RAX2: variants seen among roughly 807,000 people sequenced by gnomAD.
RAX2 encodes the protein retina and anterior neural fold homeobox protein 2.
RAX2 carries 4 observed loss-of-function variants against 5.8 expected under a neutral mutation model. The ratio of observed to expected loss-of-function variants is 0.69; its 90% CI spans 0.34 to 1.58. RAX2 has a LOEUF of 1.58. RAX2 is among the 40% of genes most tolerant of loss of function. RAX2 has a pLI of 0.05. For synonymous variants in RAX2, 133 were observed against 128.8 expected (o/e 1.03, Z -0.22); for missense variants, 275 against 271.4 (o/e 1.01, Z -0.09).
In RAX2 at chr19:3,771,753, T is replaced by C. The variant is rs979254481; in HGVS notation, c.-11A>G. 6 of 1,587,842 alleles carry C rather than the reference T, an allele frequency of 3.8e-6. No individual in the cohort carries two copies. The highest frequency in any genetic ancestry group is 4.3e-6 in the Non-Finnish European group (5 of 1,170,962). On this transcript the variant is annotated 5_prime_UTR_variant, in exon 2 of 3. Coordinates refer to ENST00000555633, the MANE Select transcript of RAX2 (RefSeq NM_001319074.4). This position sits in a 1 kb window ranked among gnomAD's most constrained non-coding sequence, Gnocchi z 4.2. ...CGGGCTCAGGAACATGGCTCCCACC[T>C]GGTGGGACGGCAGCGGGACAGATGG...
Position 3,770,341 on chromosome 19 carries a change from G to C in RAX2, c.*280C>G. The C allele has an allele frequency of 2.0e-6, 1 of 488,724 alleles. No homozygotes were observed. 30.3% of individuals were successfully genotyped at this position (488,724 alleles called of 1,614,324 possible). A position where few individuals can be genotyped will look rare whatever the true frequency, so the allele number is the denominator to read the frequency against. ...AGGAGACTGAGGCCCCAGGAGGGGA[G>C]GAGGTCCCCGCACCTGGCCTGAGAA... is the stretch of plus-strand genomic sequence containing the variant. On this transcript the variant is annotated 3_prime_UTR_variant, in exon 3 of 3. Coordinates refer to ENST00000555633, the MANE Select transcript of RAX2 (RefSeq NM_001319074.4).
chr19:3,770,510 G>T lies in RAX2; in HGVS notation c.*111C>A. 1 of 1,002,542 alleles carries T rather than the reference G, an allele frequency of 1.0e-6. No homozygotes were observed. Among genetic ancestry groups the T allele is most frequent in the South Asian group, 1.6e-5 (1 of 63,246 alleles). 62.1% of individuals were successfully genotyped at this position (1,002,542 alleles called of 1,614,324 possible). On this transcript the variant is annotated 3_prime_UTR_variant, in exon 3 of 3. Coordinates refer to ENST00000555633, the MANE Select transcript of RAX2 (RefSeq NM_001319074.4). The stretch of plus-strand genomic sequence containing the variant: ...CTCCCCAGTGGTGGTGGCCTGGCCT[G>T]ACCACGGTTGCTCCATGACCTCGGC...
Position 3,771,100 on chromosome 19 carries a change from C to A in RAX2, c.217-141G>T. 1.5e-6 allele frequency: 1 copy of A among 681,704 alleles called. No individual in the cohort carries two copies. Among genetic ancestry groups the A allele is most frequent in the Non-Finnish European group, 2.5e-6 (1 of 396,794 alleles). 42.2% of individuals were successfully genotyped at this position (681,704 alleles called of 1,614,324 possible). A position where few individuals can be genotyped will look rare whatever the true frequency, so the allele number is the denominator to read the frequency against. The stretch of plus-strand genomic sequence containing the variant: ...CCTACCTGCTGCTTCGCTGTTCTGC[C>A]CCAAGAAGATGAGGATCTCCCAAGC... On this transcript the variant is annotated intron_variant, in intron 2 of 2. Transcript: ENST00000555633. This position sits in a 1 kb window ranked among gnomAD's most constrained non-coding sequence, Gnocchi z 4.2.
At position 3,770,256 on chromosome 19, in the gene RAX2, C is replaced by T. The variant is rs1039283695; in HGVS notation, c.*365G>A. 21 of 315,426 alleles carry T rather than the reference C, an allele frequency of 6.7e-5. No individual in the cohort carries two copies. The highest frequency in any genetic ancestry group is 6.4e-5 in the Non-Finnish European group (11 of 170,770). The allele number at this position is 315,426 out of a possible 1,614,324, so 19.5% of individuals were successfully genotyped here. ...CACTCATCTTACAGAGTCAGCGGTC[C>T]CGCCACCCACAGCCTCGCAGCCCTC... On this transcript the variant is annotated 3_prime_UTR_variant, in exon 3 of 3. Transcript: ENST00000555633.
At position 3,771,618 on chromosome 19, in the gene RAX2, AG is replaced by A; in HGVS notation, c.124del (p.Leu42TrpfsTer172). 1 of 1,613,140 alleles carries A rather than the reference AG, an allele frequency of 6.2e-7. No homozygotes were observed. The highest frequency in any genetic ancestry group is 8.5e-7 in the Non-Finnish European group (1 of 1,179,856). On this transcript the variant is annotated frameshift_variant, in exon 2 of 3. Transcript: ENST00000555633. LOFTEE classifies it high-confidence loss of function. This position sits in a 1 kb window ranked among gnomAD's most constrained non-coding sequence, Gnocchi z 4.2. ...TTFTTYQLHQ[L>X]ERAFEASHYP... ...GTGAGAGGCCTCGAACGCCCGCTCC[AG>A]CTGGTGCAGCTGGTAGGTGGTGAAG...
Position 3,771,520 on chromosome 19 carries a change from C to A in RAX2, c.216+7G>T, listed in dbSNP as rs2037260664. On this transcript the variant is annotated splice_region_variant and intron_variant, in intron 2 of 2. Coordinates refer to ENST00000555633, the MANE Select transcript of RAX2 (RefSeq NM_001319074.4). The surrounding 1 kb of genome is among the most constrained non-coding windows in gnomAD (Gnocchi z 4.2). The stretch of plus-strand genomic sequence containing the variant: ...CAAAAGATGTGTGTGTTGGGGGGTG[C>A]CCTCACCTGCACGCGCACCTCAGGT... The A allele has an allele frequency of 6.3e-7, 1 of 1,582,460 alleles. No individual in the cohort carries two copies. The highest frequency in any genetic ancestry group is 1.8e-5 in the Admixed American group (1 of 54,472).
rs1012081235 is a variant in RAX2 at position 3,772,148 on chromosome 19, C to T, written c.-269+15G>A. 3.2e-5 allele frequency: 15 copies of T among 461,592 alleles called. No individual in the cohort carries two copies. Among genetic ancestry groups the T allele is most frequent in the Middle Eastern group, 6.4e-4 (2 of 3,120 alleles). The allele number at this position is 461,592 out of a possible 1,614,324, so 28.6% of individuals were successfully genotyped here. A position where few individuals can be genotyped will look rare whatever the true frequency, so the allele number is the denominator to read the frequency against. On this transcript the variant is annotated intron_variant, in intron 1 of 2. Coordinates refer to ENST00000555633, the MANE Select transcript of RAX2 (RefSeq NM_001319074.4). ...ACCTCCTACCCAGGCCCACCAGTGC[C>T]CACCCCGCACTCACCGCCCACGGCA...
Position 3,771,768 on chromosome 19 carries a change from G to T in RAX2, c.-26C>A. On this transcript the variant is annotated 5_prime_UTR_variant, in exon 2 of 3. Coordinates refer to ENST00000555633, the MANE Select transcript of RAX2 (RefSeq NM_001319074.4). The surrounding 1 kb of genome is among the most constrained non-coding windows in gnomAD (Gnocchi z 4.2). Reference sequence around the variant, plus strand: ...GGCTCCCACCTGGTGGGACGGCAGCGGGACAGATGGTGGGGAGACGGCTGG... The same window carrying T: ...GGCTCCCACCTGGTGGGACGGCAGCTGGACAGATGGTGGGGAGACGGCTGG... The T allele has an allele frequency of 6.4e-7, 1 of 1,565,954 alleles. No homozygotes were observed. Among genetic ancestry groups the T allele is most frequent in the East Asian group, 2.3e-5 (1 of 43,216 alleles).
In RAX2 at chr19:3,770,670, A is replaced by G. The variant is rs1416399047; in HGVS notation, c.506T>C (p.Leu169Pro). Residue 169 changes from leucine to proline, a missense_variant, in exon 3 of 3, where the codon CTG becomes CCG. By Grantham distance (98) the Leu-to-Pro change is moderately conservative. Transcript: ENST00000555633. ...FALEEASLRL[L>P]AKEHAQALDR... Reference sequence around the variant, plus strand: ...CAGAGCCTGTGCATGTTCCTTGGCCAGCAGCCGCAGGGACGCCTCCTCCAG... The same window carrying G: ...CAGAGCCTGTGCATGTTCCTTGGCCGGCAGCCGCAGGGACGCCTCCTCCAG... 6.5e-7 allele frequency: 1 copy of G among 1,535,496 alleles called. No homozygotes were observed. The highest frequency in any genetic ancestry group is 2.0e-5 in the Admixed American group (1 of 50,972).
chr19:3,771,910 G>A lies in RAX2; in HGVS notation c.-168C>T, dbSNP rs566513129. On this transcript the variant is annotated 5_prime_UTR_variant, in exon 2 of 3. Transcript: ENST00000555633. This position sits in a 1 kb window ranked among gnomAD's most constrained non-coding sequence, Gnocchi z 4.2. ...TCTGCATCCCCAGGCTGTCCTCCTC[G>A]GGCTTGGGGGGGTCTCCTGCTGTGC... The A allele has an allele frequency of 6.3e-6, 8 of 1,268,352 alleles. No individual in the cohort carries two copies. Among genetic ancestry groups the A allele is most frequent in the African/African-American group, 3.0e-5 (2 of 66,408 alleles). 78.6% of individuals were successfully genotyped at this position (1,268,352 alleles called of 1,614,324 possible).
rs1417014277 is a variant in RAX2 at position 3,770,918 on chromosome 19, C to A, written c.258G>T (p.Glu86Asp). ...QNRRAKWRRQ[E>D]RLESGSGAVA... ...CGGCACCCGAGCCTGACTCCAGCCG[C>A]TCCTGGCGGCGCCACTTGGCCCGGC... Residue 86 changes from glutamate (E) to aspartate (D), a missense_variant, in exon 3 of 3, where the codon GAG becomes GAT. Coordinates refer to ENST00000555633, the MANE Select transcript of RAX2 (RefSeq NM_001319074.4). 6.4e-7 allele frequency: 1 copy of A among 1,558,488 alleles called. No individual in the cohort carries two copies. Among genetic ancestry groups the A allele is most frequent in the African/African-American group, 1.3e-5 (1 of 74,260 alleles).
rs1237258627 is a variant in RAX2, at chr19:3,770,516, G to A, written c.*105C>T. ...AGTGGTGGTGGCCTGGCCTGACCAC[G>A]GTTGCTCCATGACCTCGGCCTAGGC... On this transcript the variant is annotated 3_prime_UTR_variant, in exon 3 of 3. Coordinates refer to ENST00000555633, the MANE Select transcript of RAX2 (RefSeq NM_001319074.4). 3.3e-5 allele frequency: 35 copies of A among 1,059,456 alleles called. No individual in the cohort carries two copies. The highest frequency in any genetic ancestry group is 1.7e-4 in the South Asian group (11 of 65,690). The allele number at this position is 1,059,456 out of a possible 1,614,324, so 65.6% of individuals were successfully genotyped here. A position where few individuals can be genotyped will look rare whatever the true frequency, so the allele number is the denominator to read the frequency against.
At chr19:3,772,045 G>T (rs1716278421) in intron 1 of RAX2, 35 bp from the exon 2 acceptor site, 1 of 489,754 alleles carries the variant, frequency 2.0e-6, no homozygotes, top group South Asian at 2.0e-5. Context: ...GGGGGTCAAG[G>T]ATGCCCCCCC....
In RAX2 at chr19:3,769,735, C is replaced by G. The variant is rs924339003; in HGVS notation, c.*886G>C. Reference sequence around the variant, plus strand: ...TCGGCCCCGCGACAGCCTCCTTGCTCAGAGCTCTTGGGCGATGCGGCTGGG... The same window carrying G: ...TCGGCCCCGCGACAGCCTCCTTGCTGAGAGCTCTTGGGCGATGCGGCTGGG... On this transcript the variant is annotated 3_prime_UTR_variant, in exon 3 of 3. Transcript: ENST00000555633. The G allele has an allele frequency of 6.5e-6, 1 of 154,074 alleles. No homozygotes were observed. Among genetic ancestry groups the G allele is most frequent in the Admixed American group, 6.5e-5 (1 of 15,304 alleles). The allele number at this position is 154,074 out of a possible 1,614,324, so 9.5% of individuals were successfully genotyped here.
At position 3,771,540 on chromosome 19, in the gene RAX2, T is replaced by C. The variant is rs202149846; in HGVS notation, c.203A>G (p.Glu68Gly). The change falls in exon 2 of 3, where the codon GAG (glutamate) becomes GGG (glycine). Residue 68 changes from glutamate to glycine, a missense_variant. Transcript: ENST00000555633. The surrounding 1 kb of genome is among the most constrained non-coding windows in gnomAD (Gnocchi z 4.2). ...EELAAKVHLPEVRVQVWFQNR... is the reference protein window; with the variant it reads ...EELAAKVHLPGVRVQVWFQNR... ...GGGTGCCCTCACCTGCACGCGCACC[T>C]CAGGTAGGTGCACCTTGGCTGCCAG... 3 of 1,603,718 alleles carry C rather than the reference T, an allele frequency of 1.9e-6. No individual in the cohort carries two copies. The East Asian group carries it at 6.7e-5, about 36-fold the overall frequency.
chr19:3,770,153 T>G lies in RAX2; in HGVS notation c.*468A>C. 1.8e-5 allele frequency: 3 copies of G among 163,188 alleles called. No homozygotes were observed. Among genetic ancestry groups the G allele is most frequent in the Non-Finnish European group, 2.6e-5 (2 of 75,620 alleles). The allele number at this position is 163,188 out of a possible 1,614,324, so 10.1% of individuals were successfully genotyped here. A position where few individuals can be genotyped will look rare whatever the true frequency, so the allele number is the denominator to read the frequency against. On this transcript the variant is annotated 3_prime_UTR_variant, in exon 3 of 3. Transcript: ENST00000555633. ...ACCAGGCTCGCGGGAGCTGCTGCTA[T>G]TTGTTATTTCCAGGGGACTGGGAGC...
Position 3,771,553 on chromosome 19 carries a change from C to T in RAX2, c.190G>A (p.Val64Met). 14 of 1,607,648 alleles carry T rather than the reference C, an allele frequency of 8.7e-6. No homozygotes were observed. Among genetic ancestry groups the T allele is most frequent in the Non-Finnish European group, 1.2e-5 (14 of 1,177,698 alleles). ...TGCACGCGCACCTCAGGTAGGTGCACCTTGGCTGCCAGCTCCTCACGGCTG... is the reference window on the plus strand; with the variant it reads ...TGCACGCGCACCTCAGGTAGGTGCATCTTGGCTGCCAGCTCCTCACGGCTG... The part of the protein sequence containing the change: ...VYSREELAAK[V>M]HLPEVRVQVW... The change falls in exon 2 of 3, where the codon GTG becomes ATG. Residue 64 changes from valine to methionine, a missense_variant. Transcript: ENST00000555633. The surrounding 1 kb of genome is among the most constrained non-coding windows in gnomAD (Gnocchi z 4.2).
At position 3,770,893 on chromosome 19, in the gene RAX2, C is replaced by G; in HGVS notation, c.283G>C (p.Val95Leu). The change falls in exon 3 of 3, where the codon GTG becomes CTG. Residue 95 changes from valine to leucine, a missense_variant. Transcript: ENST00000555633. The part of the protein sequence containing the change: ...QERLESGSGA[V>L]AAPRLPEAPA... ...GCCTCGGGGAGTCTCGGAGCTGCCA[C>G]GGCACCCGAGCCTGACTCCAGCCGC... 3 of 1,542,542 alleles carry G rather than the reference C, an allele frequency of 1.9e-6. No homozygotes were observed. Among genetic ancestry groups the G allele is most frequent in the Non-Finnish European group, 2.6e-6 (3 of 1,151,088 alleles).
chr19:3,770,142 AGCT>A lies in RAX2; in HGVS notation c.*476_*478del, dbSNP rs926277551. On this transcript the variant is annotated 3_prime_UTR_variant, in exon 3 of 3. Transcript: ENST00000555633. ...GGTGAGAGGAGACCAGGCTCGCGGG[AGCT>A]GCTGCTATTTGTTATTTCCAGGGGA... The A allele has an allele frequency of 4.9e-5, 8 of 161,968 alleles. No homozygotes were observed. The highest frequency in any genetic ancestry group is 9.4e-5 in the Non-Finnish European group (7 of 74,864). 10.0% of individuals were successfully genotyped at this position (161,968 alleles called of 1,614,324 possible). A position where few individuals can be genotyped will look rare whatever the true frequency, so the allele number is the denominator to read the frequency against.
Sources: allele counts gnomAD v4.1 joint callset, GRCh38; gene constraint gnomAD v4.1.1; non-coding constraint Gnocchi (gnomAD v3.1); transcripts MANE v1.5; gene names NCBI Gene and HGNC (gene_info 2026-07-23, HGNC 2026-07-21).